DPY19L1: variants seen among roughly 807,000 people sequenced by gnomAD.
DPY19L1 encodes protein C-mannosyl-transferase DPY19L1.
A neutral mutation model predicts 96.9 loss-of-function variants in DPY19L1; 35 were observed. The observed-to-expected ratio is 0.36, with a 90% CI of 0.28 to 0.48. The LOEUF (loss-of-function observed/expected upper bound fraction) is 0.48, where lower values mean the gene tolerates loss of function less well. DPY19L1 is among the 20% of genes least tolerant of loss of function. The probability of loss-of-function intolerance (pLI) is 0.99; values close to 1 mark genes in which losing one functional copy is unlikely to be tolerated. For synonymous variants in DPY19L1, 205 were observed against 252.6 expected (o/e 0.81, Z 1.79); for missense variants, 521 against 777.9 (o/e 0.67, Z 3.93).
At chr7:34,960,254 TTTATAG>T (rs1213217767) in intron 10 of DPY19L1, among the ~76,000 whole-genome samples, 1 of 151,922 alleles carries the variant, frequency 6.6e-6, no homozygotes, top group East Asian at 1.9e-4. Context: ...TAACGTGTTA[TTTATAG>T]TTATATCTGT....
At chr7:35,013,950 A>C (rs1785776932) in intron 3 of DPY19L1, among the ~76,000 whole-genome samples, 1 of 152,202 alleles carries the variant, frequency 6.6e-6, no homozygotes, top group South Asian at 2.1e-4. Flanking sequence ...GCATTTAAAA[A>C]ATAATACGAC....
intron 6 of DPY19L1, among the ~76,000 whole-genome samples, chr7:35,009,171 C>T (rs979419920): frequency 4.6e-5 from 7 of 152,174 alleles, no homozygotes; most frequent in African/African-American, 1.7e-4. Flanking sequence ...TATCAAGTAA[C>T]TGCTAGATAC....
intron 11 of DPY19L1, 101 bp downstream of exon 11, chr7:34,957,883 T>C (rs1427115487): frequency 7.1e-6 from 5 of 703,482 alleles, no homozygotes; most frequent in Middle Eastern, 2.4e-4. Context: ...ACACTTAAGA[T>C]GGTTCCTACA....
At chr7:34,944,157 G>A (rs192237608) in intron 16 of DPY19L1, among the ~76,000 whole-genome samples, 17 of 152,126 alleles carry the variant, frequency 1.1e-4, no homozygotes, top group Middle Eastern at 6.8e-3. Flanking sequence ...GAGTTCATGA[G>A]TTCAAGACCA....
At chr7:34,954,814 C>A (rs1784344062) in intron 12 of DPY19L1, 36 bp from the exon 13 acceptor site, 1 of 1,129,740 alleles carries the variant, frequency 8.9e-7, no homozygotes, top group Admixed American at 2.3e-5. Context: ...TTTGATGCTT[C>A]ATATTCCACA....
At chr7:34,939,891 T>C (rs1783959230) in intron 19 of DPY19L1, among the ~76,000 whole-genome samples, 1 of 152,230 alleles carries the variant, frequency 6.6e-6, no homozygotes, top group Non-Finnish European at 1.5e-5. Flanking sequence ...GTGGCATTTA[T>C]GACTGTGAAT....
At chr7:34,951,241 T>A (rs758045809) in intron 13 of DPY19L1, among the ~76,000 whole-genome samples, 7 of 152,070 alleles carry the variant, frequency 4.6e-5, no homozygotes, top group Non-Finnish European at 7.4e-5. Context: ...AAACACTGCC[T>A]CCTTGAATAA....
upstream of DPY19L1, chr7:35,037,779 A>T (rs1462336232): frequency 8.5e-7 from 1 of 1,180,448 alleles, no homozygotes; most frequent in African/African-American, 1.6e-5. Flanking sequence ...CTTCCGGCGC[A>T]GGCGGGGCCC....
chr7:34,931,441 G>A lies in DPY19L1; in HGVS notation c.*132C>T, dbSNP rs1292154112. 8.1e-7 allele frequency: 1 copy of A among 1,227,366 alleles called. No homozygotes were observed. The highest frequency in any genetic ancestry group is 2.7e-5 in the East Asian group (1 of 36,548). 76.0% of individuals were successfully genotyped at this position (1,227,366 alleles called of 1,614,324 possible). A position where few individuals can be genotyped will look rare whatever the true frequency, so the allele number is the denominator to read the frequency against. ...TTATAATTAGAATGACATTCAAATT[G>A]ACCAAATAAAACGTTTTCTATTTGA... On this transcript the variant is annotated 3_prime_UTR_variant, in exon 22 of 22. Transcript: ENST00000638088.
intron 7 of DPY19L1, among the ~76,000 whole-genome samples, chr7:34,974,690 A>G (rs187237049): frequency 6.6e-6 from 1 of 152,316 alleles, no homozygotes; most frequent in East Asian, 1.9e-4. Context: ...GATTGACAGT[A>G]AGATACATGG....
At chr7:34,962,943 C>T (rs930454835) in intron 10 of DPY19L1, among the ~76,000 whole-genome samples, 3 of 151,830 alleles carry the variant, frequency 2.0e-5, no homozygotes, top group Admixed American at 6.6e-5. Flanking sequence ...GCCTGTAATC[C>T]CAGCACTTTG....
chr7:34,967,408 T>C (rs1364376210), intron 9 of DPY19L1, among the ~76,000 whole-genome samples: 2 of 152,202 alleles, frequency 1.3e-5, no homozygotes, highest in African/African-American at 4.8e-5. Context: ...TTCTGCTTGC[T>C]AGTCACTCTT....
At chr7:34,968,768 C>CAAAA (rs35977506) in intron 9 of DPY19L1, among the ~76,000 whole-genome samples, 1 of 8,888 alleles carries the variant, frequency 1.1e-4, no homozygotes, top group African/African-American at 3.5e-4. Context: ...GACTCCATCG[C>CAAAA]AAAAAAAAAA....
At chr7:34,977,663 GTTTAGTCAT>G (rs1784857350) in intron 7 of DPY19L1, among the ~76,000 whole-genome samples, 1 of 151,998 alleles carries the variant, frequency 6.6e-6, no homozygotes, top group African/African-American at 2.4e-5. Flanking sequence ...AAGAGATTTG[GTTTAGTCAT>G]GCCTTACGTT....
At chr7:34,944,266 G>T (rs1649219) in intron 16 of DPY19L1, among the ~76,000 whole-genome samples, 20 of 150,592 alleles carry the variant, frequency 1.3e-4, no homozygotes, top group African/African-American at 4.1e-4. Context: ...AGGAGGCTGA[G>T]GCAGACGAAT....
rs748131469 is a variant in DPY19L1, at chr7:35,017,862, A to G, written c.411+20T>C. The G allele has an allele frequency of 1.3e-6, 2 of 1,537,724 alleles. No individual in the cohort carries two copies. Among genetic ancestry groups the G allele is most frequent in the Non-Finnish European group, 1.8e-6 (2 of 1,126,040 alleles). On this transcript the variant is annotated intron_variant, in intron 3 of 21. Coordinates refer to ENST00000638088, the MANE Select transcript of DPY19L1 (RefSeq NM_001366673.1). ...TTAAATTCCTAAAGTACTATGATGA[A>G]ATCCCAAATAAAAACTAACCATTTC...
chr7:34,952,128 A>T (rs112561385), intron 13 of DPY19L1, among the ~76,000 whole-genome samples: 1 of 138,662 alleles, frequency 7.2e-6, no homozygotes, highest in Non-Finnish European at 1.5e-5. Flanking sequence ...AAAAAAGACC[A>T]CAAAAAAAAA....
At chr7:35,030,226 T>C (rs1286452264) in intron 1 of DPY19L1, among the ~76,000 whole-genome samples, 1 of 152,216 alleles carries the variant, frequency 6.6e-6, no homozygotes, top group Non-Finnish European at 1.5e-5. Flanking sequence ...TAATTACTGT[T>C]AGGAAATAGG....
At position 35,037,325 on chromosome 7, in the gene DPY19L1, G is replaced by T; in HGVS notation, c.70C>A (p.Gln24Lys). The change falls in exon 1 of 22, where the codon CAG becomes AAG. Residue 24 changes from glutamine to lysine, a missense_variant. Gln to Lys is a moderately conservative substitution (Grantham distance 53). Transcript: ENST00000638088. ...TCCGACGCCCCCCTCAGCGGCGACT[G>T]TGAGGCGCGGGGTGGCTGGGGCGGC... ...PKPPQPPRASQSPLRGASDVG... is the reference protein window; with the variant it reads ...PKPPQPPRASKSPLRGASDVG... The T allele has an allele frequency of 2.8e-6, 1 of 355,294 alleles. No homozygotes were observed. Among genetic ancestry groups the T allele is most frequent in the Admixed American group, 4.7e-5 (1 of 21,142 alleles). The allele number at this position is 355,294 out of a possible 1,614,324, so 22.0% of individuals were successfully genotyped here.
Sources: allele counts gnomAD v4.1 joint callset (sites outside exome capture counted in the v4.1 genomes callset), GRCh38; gene constraint gnomAD v4.1.1; transcripts MANE v1.5; gene names NCBI Gene and HGNC (gene_info 2026-07-23, HGNC 2026-07-21).